CNTN4: variants seen among roughly 807,000 people sequenced by gnomAD.
CNTN4 encodes contactin-4.
In CNTN4, 77 loss-of-function variants were observed where a neutral mutation model predicts 122.5. The observed-to-expected ratio is 0.63, with a 90% CI of 0.52 to 0.76. CNTN4 has a LOEUF of 0.76. Among genes scored for constraint, CNTN4 ranks in the 30% least tolerant of loss-of-function variants. The pLI, the probability that CNTN4 is intolerant of heterozygous loss-of-function variation, is 0.00. For missense variants in CNTN4, 1,256 were observed against 1,259.1 expected (o/e 1.00, Z 0.04); for synonymous variants, 512 against 447.0 (o/e 1.15, Z -1.83).
chr3:2,584,162 C>G (rs2616579), intron 4 of CNTN4, among the ~76,000 whole-genome samples: 134,756 of 152,164 alleles, frequency 0.89, 60,660 homozygotes, highest in Non-Finnish European at 0.98. Context: ...TAACAAAAGG[C>G]CATGGCCTCC....
At chr3:3,003,713 A>C (rs867828319) in intron 14 of CNTN4, among the ~76,000 whole-genome samples, 39 of 144,428 alleles carry the variant, frequency 2.7e-4, no homozygotes, top group Middle Eastern at 7.7e-3. Flanking sequence ...AAAAAAAAAA[A>C]ACAAAAAAAC....
intron 4 of CNTN4, among the ~76,000 whole-genome samples, chr3:2,610,300 G>A (rs908175645): frequency 6.6e-6 from 1 of 152,134 alleles, no homozygotes; most frequent in Non-Finnish European, 1.5e-5. Flanking sequence ...CTGATAGCTT[G>A]GTTCTTATTT....
Position 3,054,111 on chromosome 3 carries a change from C to G in CNTN4, c.2980+136C>G, listed in dbSNP as rs530499915. On this transcript the variant is annotated intron_variant, in intron 24 of 24. Coordinates refer to ENST00000418658, the MANE Select transcript of CNTN4 (RefSeq NM_175607.3). ...AAATGGAGAACACTACCCCCCTTCT[C>G]CAGATGTTTGCTGGCCATAGGCAGT... The G allele has an allele frequency of 5.8e-4, 547 of 940,586 alleles. 2 individuals are homozygous for G. Among genetic ancestry groups the G allele is most frequent in the Non-Finnish European group, 8.5e-4 (506 of 598,612 alleles). The allele number at this position is 940,586 out of a possible 1,614,324, so 58.3% of individuals were successfully genotyped here.
intron 7 of CNTN4, among the ~76,000 whole-genome samples, chr3:2,853,305 T>C (rs190174231): frequency 2.2e-4 from 33 of 152,184 alleles, no homozygotes; most frequent in African/African-American, 7.9e-4. Context: ...AGTGCAGTGG[T>C]GCGATCTCGG....
chr3:2,494,552 T>C (rs1011774511), intron 3 of CNTN4, among the ~76,000 whole-genome samples: 1 of 152,148 alleles, frequency 6.6e-6, no homozygotes, highest in African/African-American at 2.4e-5. Flanking sequence ...AGCTGGTAAA[T>C]GTCTCTTATC....
chr3:2,616,039 T>C (rs1369856973), intron 4 of CNTN4, among the ~76,000 whole-genome samples: 1 of 149,950 alleles, frequency 6.7e-6, no homozygotes, highest in African/African-American at 2.5e-5. Context: ...TTTTTTAACA[T>C]TAAGTTCCGG....
chr3:2,752,326 T>A (rs2090134986), intron 6 of CNTN4, among the ~76,000 whole-genome samples: 1 of 152,210 alleles, frequency 6.6e-6, no homozygotes. Flanking sequence ...TGCAAAATTC[T>A]CTCTTCTGAA....
chr3:2,423,766 C>A (rs1238759087), intron 3 of CNTN4, among the ~76,000 whole-genome samples: 1 of 151,990 alleles, frequency 6.6e-6, no homozygotes, highest in Non-Finnish European at 1.5e-5. Flanking sequence ...CTGTTAATTA[C>A]AAAACCTCCT....
At chr3:2,577,710 T>G (rs923711127) in intron 4 of CNTN4, among the ~76,000 whole-genome samples, 29 of 152,230 alleles carry the variant, frequency 1.9e-4, no homozygotes, top group African/African-American at 7.0e-4. Flanking sequence ...CATGTGCTAT[T>G]GATTCTGTTC....
chr3:2,517,796 G>T (rs2077082816), intron 3 of CNTN4, among the ~76,000 whole-genome samples: 1 of 152,142 alleles, frequency 6.6e-6, no homozygotes, highest in Non-Finnish European at 1.5e-5. Context: ...CAGGCATAAT[G>T]CTTGACTCCA....
chr3:2,753,686 G>T (rs1290520492), intron 6 of CNTN4, among the ~76,000 whole-genome samples: 2 of 152,128 alleles, frequency 1.3e-5, no homozygotes, highest in Non-Finnish European at 2.9e-5. Context: ...CCGTAGATTT[G>T]GGTGGTTGGT....
intron 6 of CNTN4, among the ~76,000 whole-genome samples, chr3:2,770,963 A>G (rs1044617441): frequency 6.6e-6 from 1 of 152,110 alleles, no homozygotes; most frequent in African/African-American, 2.4e-5. Flanking sequence ...AAATTCAGAG[A>G]GGGGTGCATA....
At chr3:2,951,289 T>C (rs1448692980) in intron 13 of CNTN4, among the ~76,000 whole-genome samples, 1 of 152,148 alleles carries the variant, frequency 6.6e-6, no homozygotes, top group East Asian at 1.9e-4. Flanking sequence ...GATAAAAGTG[T>C]TCCATCTCAG....
At chr3:2,870,778 T>A (rs12638824) in intron 8 of CNTN4, among the ~76,000 whole-genome samples, 28,989 of 152,210 alleles carry the variant, frequency 0.19, 3,993 homozygotes, top group East Asian at 0.79. Context: ...CACATGTAGC[T>A]GGCAGAACTG....
At chr3:2,858,227 C>T (rs2150744245) in intron 7 of CNTN4, among the ~76,000 whole-genome samples, 1 of 152,354 alleles carries the variant, frequency 6.6e-6, no homozygotes, top group South Asian at 2.1e-4. Context: ...CACCTAGAAA[C>T]TTGCAATTCT....
chr3:2,985,021 A>G (rs1285208521), intron 13 of CNTN4, among the ~76,000 whole-genome samples: 3 of 152,228 alleles, frequency 2.0e-5, no homozygotes, highest in African/African-American at 7.2e-5. Flanking sequence ...GAGGTATCAG[A>G]TGGTCTTTAC....
intron 8 of CNTN4, among the ~76,000 whole-genome samples, chr3:2,868,785 A>G (rs2093752580): frequency 6.6e-6 from 1 of 152,200 alleles, no homozygotes; most frequent in African/African-American, 2.4e-5. Flanking sequence ...AAACAAAACC[A>G]AAATCCTATT....
chr3:2,389,837 G>A (rs1392582976), intron 3 of CNTN4, among the ~76,000 whole-genome samples: 1 of 152,064 alleles, frequency 6.6e-6, no homozygotes, highest in Non-Finnish European at 1.5e-5. Flanking sequence ...AAAATTTCAC[G>A]GAAGTATCTA....
At chr3:2,529,273 G>C (rs961489855) in intron 3 of CNTN4, among the ~76,000 whole-genome samples, 3 of 152,052 alleles carry the variant, frequency 2.0e-5, no homozygotes, top group African/African-American at 7.2e-5. Context: ...GTTGCCCCAC[G>C]TGAGAGGATA....
Sources: gnomAD v4.1 joint callset for allele counts (sites outside exome capture counted in the v4.1 genomes callset) on GRCh38, gnomAD v4.1.1 for gene constraint, MANE v1.5 for transcripts, NCBI Gene and HGNC (gene_info 2026-07-23, HGNC 2026-07-21) for gene names.